The following STIM2 variants were observed in gnomAD, a reference collection of about 807,000 sequenced individuals.
STIM2 encodes the protein stromal interaction molecule 2.
Under a neutral mutation model 85.8 loss-of-function variants are expected in STIM2, and 31 were observed. That is an observed-to-expected ratio of 0.36 (90% CI 0.27 to 0.49). The LOEUF is 0.49. STIM2 is among the 20% of genes least tolerant of loss of function. The probability of loss-of-function intolerance (pLI) is 0.98; values close to 1 mark genes in which losing one functional copy is unlikely to be tolerated. For missense variants in STIM2, 841 were observed against 927.6 expected (o/e 0.91, Z 1.21); for synonymous variants, 356 against 331.1 (o/e 1.08, Z -0.82).
intron 7 of STIM2, among the ~76,000 whole-genome samples, chr4:27,005,873 A>G (rs1012441329): frequency 2.0e-5 from 3 of 152,248 alleles, no homozygotes; most frequent in Non-Finnish European, 2.9e-5. Context: ...CTATGATTAA[A>G]GAGAGTAACT....
At chr4:26,915,813 G>A (rs1185338760) in intron 1 of STIM2, among the ~76,000 whole-genome samples, 1 of 152,186 alleles carries the variant, frequency 6.6e-6, no homozygotes, top group Non-Finnish European at 1.5e-5. Flanking sequence ...AGGGCACTGA[G>A]GGGAGGACAT....
chr4:27,001,404 G>A (rs1728149159), intron 5 of STIM2, among the ~76,000 whole-genome samples: 1 of 152,200 alleles, frequency 6.6e-6, no homozygotes, highest in East Asian at 1.9e-4. Context: ...ATAAGGCTGG[G>A]GGTTAACATC....
At chr4:26,877,316 ACT>A (rs1722847749) in intron 1 of STIM2, among the ~76,000 whole-genome samples, 1 of 151,034 alleles carries the variant, frequency 6.6e-6, no homozygotes, top group African/African-American at 2.4e-5. Flanking sequence ...TTGCCATTTG[ACT>A]CTCTTACAGT....
rs200087744 is a variant in STIM2, at chr4:26,927,756, TAAA to T, written c.282+8131_282+8133del. On this transcript the variant is annotated intron_variant, in intron 2 of 11. Coordinates refer to ENST00000467087, the MANE Select transcript of STIM2 (RefSeq NM_020860.4). ...TGAACTTAGCCAACTGCTAAACCCT[TAAA>T]AAAAAAAATATTATTAATATAATAA... Among the ~76,000 whole-genome samples, 1,145 of 116,390 alleles carry T rather than the reference TAAA, an allele frequency of 9.8e-3. 14 individuals carry two copies. The highest frequency in any genetic ancestry group is 0.022 in the African/African-American group (689 of 31,344). The allele number at this position is 116,390 out of a possible 152,430, so 76.4% of individuals were successfully genotyped here. A position where few individuals can be genotyped will look rare whatever the true frequency, so the allele number is the denominator to read the frequency against.
intron 5 of STIM2, among the ~76,000 whole-genome samples, chr4:27,000,471 G>A (rs1728113878): frequency 6.6e-6 from 1 of 152,176 alleles, no homozygotes; most frequent in African/African-American, 2.4e-5. Context: ...TCTTCTGTGG[G>A]ATTCTGTCCA....
chr4:27,001,664 A>C (rs1728162102), intron 5 of STIM2, among the ~76,000 whole-genome samples: 1 of 152,216 alleles, frequency 6.6e-6, no homozygotes, highest in Admixed American at 6.5e-5. Flanking sequence ...GAGACAACCC[A>C]AAATTGTCAA....
At chr4:26,965,289 A>C (rs148651047) in intron 3 of STIM2, among the ~76,000 whole-genome samples, 42 of 152,306 alleles carry the variant, frequency 2.8e-4, no homozygotes, top group Middle Eastern at 3.4e-3. Context: ...AGGTGACACC[A>C]GTATGTTGCT....
chr4:26,885,871 A>ATATGTATGTATG (rs1553845055), intron 1 of STIM2, among the ~76,000 whole-genome samples: 3 of 117,910 alleles, frequency 2.5e-5, no homozygotes, highest in South Asian at 2.7e-4. Context: ...ATATATATAT[A>ATATGTATGTATG]TATGTATATG....
intron 10 of STIM2, among the ~76,000 whole-genome samples, chr4:27,013,404 G>A (rs1015350708): frequency 2.0e-5 from 3 of 152,004 alleles, no homozygotes; most frequent in African/African-American, 7.2e-5. Flanking sequence ...AAAACATAGT[G>A]TGTATAGAGT....
chr4:26,861,267 C>G lies in STIM2; in HGVS notation c.49C>G (p.Leu17Val), dbSNP rs1288092910. The stretch of plus-strand genomic sequence containing the variant: ...AGCCGGAGCGGCGGACGGATGCGAG[C>G]TTGTGCCCCGGCACCTCCGCGGGCG... Residue 17 changes from leucine to valine, a missense_variant, in exon 1 of 12, where the codon CTT (leucine) becomes GTT (valine). Leu to Val is a conservative substitution (Grantham distance 32). This residue lies in a region of STIM2 where 140 missense variants were observed against 117.7 expected (regional missense o/e 1.19). Transcript: ENST00000467087. 4.1e-6 allele frequency: 6 copies of G among 1,474,522 alleles called. No homozygotes were observed. Among genetic ancestry groups the G allele is most frequent in the Non-Finnish European group, 5.4e-6 (6 of 1,118,560 alleles). 91.3% of individuals were successfully genotyped at this position (1,474,522 alleles called of 1,614,324 possible).
rs762749446 is a variant in STIM2, at chr4:27,007,667, C to T, written c.1116C>T (p.Asn372=). Residue 372 remains asparagine, a synonymous_variant, in exon 8 of 12, where the codon AAC becomes AAT. Transcript: ENST00000467087. ...AATACTACAATATTAAAAGACAAAA[C>T]GCTGAAATGCAGCTAGCTATTGCTA... 17 of 1,582,570 alleles carry T rather than the reference C, an allele frequency of 1.1e-5. No homozygotes were observed. The highest frequency in any genetic ancestry group is 5.9e-5 in the South Asian group (5 of 85,262).
chr4:26,952,874 A>G (rs550757182), intron 2 of STIM2, among the ~76,000 whole-genome samples: 3 of 152,264 alleles, frequency 2.0e-5, no homozygotes, highest in South Asian at 2.1e-4. Context: ...AAATAGCTAT[A>G]TGAAATAGAA....
At chr4:26,868,974 GT>G (rs1722506550) in intron 1 of STIM2, among the ~76,000 whole-genome samples, 1 of 152,116 alleles carries the variant, frequency 6.6e-6, no homozygotes, top group African/African-American at 2.4e-5. Context: ...ATTTGCATTT[GT>G]AACTATACCC....
At chr4:26,909,482 C>T (rs1724251964) in intron 1 of STIM2, among the ~76,000 whole-genome samples, 1 of 152,102 alleles carries the variant, frequency 6.6e-6, no homozygotes, top group South Asian at 2.1e-4. Context: ...AATTGTGAAA[C>T]TTACTTTATT....
intron 1 of STIM2, among the ~76,000 whole-genome samples, chr4:26,886,593 A>G (rs1159416609): frequency 6.6e-6 from 1 of 152,144 alleles, no homozygotes; most frequent in East Asian, 1.9e-4. Context: ...CCTGATGGAT[A>G]CCATTGTTGG....
chr4:26,937,022 A>G (rs992857934), intron 2 of STIM2, among the ~76,000 whole-genome samples: 3 of 152,030 alleles, frequency 2.0e-5, no homozygotes, highest in Non-Finnish European at 4.4e-5. Context: ...TTCTGGGCTC[A>G]AGCGATTTAC....
intron 3 of STIM2, among the ~76,000 whole-genome samples, chr4:26,982,941 C>T (rs1322377467): frequency 1.3e-5 from 2 of 152,182 alleles, no homozygotes; most frequent in Admixed American, 1.3e-4. Context: ...GTTGCTCAGT[C>T]CCTCTGTAGG....
At chr4:26,946,888 C>G (rs1004512536) in intron 2 of STIM2, among the ~76,000 whole-genome samples, 5 of 152,146 alleles carry the variant, frequency 3.3e-5, no homozygotes, top group Non-Finnish European at 7.4e-5. Flanking sequence ...ATTCCAGACC[C>G]TGTATACTAG....
chr4:26,915,664 G>C (rs1724548255), intron 1 of STIM2, among the ~76,000 whole-genome samples: 1 of 152,246 alleles, frequency 6.6e-6, no homozygotes, highest in African/African-American at 2.4e-5. Context: ...GTTGATAGCT[G>C]ACTTGGGTTA....
Sources: allele counts gnomAD v4.1 joint callset (sites outside exome capture counted in the v4.1 genomes callset), GRCh38; gene constraint gnomAD v4.1.1; regional missense constraint gnomAD v4.1.1; transcripts MANE v1.5; gene names NCBI Gene and HGNC (gene_info 2026-07-23, HGNC 2026-07-21).